The following OSMR variants were observed in gnomAD, a reference collection of about 807,000 sequenced individuals.
The protein encoded by OSMR is oncostatin M receptor.
A neutral mutation model predicts 99.9 loss-of-function variants in OSMR; 81 were observed. That is an observed-to-expected ratio of 0.81 (90% confidence interval 0.68 to 0.97). The LOEUF (loss-of-function observed/expected upper bound fraction) is 0.97, where lower values mean the gene tolerates loss of function less well. Ranked by LOEUF, OSMR falls within the 50% of genes least tolerant of loss-of-function variation. The probability of loss-of-function intolerance (pLI) is 0.00; values close to 1 mark genes in which losing one functional copy is unlikely to be tolerated. For missense variants in OSMR, 1,099 were observed against 1,153.4 expected, an observed-to-expected ratio of 0.95 and a Z score of 0.68; for synonymous variants, 406 against 410.4, an observed-to-expected ratio of 0.99 and a Z score of 0.13.
chr5:38,878,856 G>C (rs1222105059), intron 3 of OSMR, among the ~76,000 whole-genome samples: 2 of 152,202 alleles, frequency 1.3e-5, no homozygotes, highest in Admixed American at 6.5e-5. Context: ...GGTTAAACAG[G>C]TTCCACACAT....
At chr5:38,937,516 T>C (rs1169556384), downstream of OSMR, among the ~76,000 whole-genome samples, 1 of 152,216 alleles carries the variant, frequency 6.6e-6, no homozygotes, top group Non-Finnish European at 1.5e-5. This position sits in a 1 kb window ranked among gnomAD's most constrained non-coding sequence, Gnocchi z 4.0. Flanking sequence ...TTTCTGTGTA[T>C]GTTACTCTCT....
chr5:38,923,596 T>C (rs10073213), intron 13 of OSMR, among the ~76,000 whole-genome samples: 32,496 of 152,006 alleles, frequency 0.21, 3,596 homozygotes, highest in Admixed American at 0.26. Context: ...CTTTTAAAAT[T>C]TTTTTTTCAT....
intron 7 of OSMR, among the ~76,000 whole-genome samples, chr5:38,898,493 G>A (rs950278918): frequency 2.0e-5 from 3 of 152,054 alleles, no homozygotes; most frequent in Non-Finnish European, 4.4e-5. Context: ...TGCCTTTATA[G>A]GCTAAGTGCA....
intron 5 of OSMR, 55 bp downstream of exon 5, chr5:38,884,166 A>G (rs1019039419): frequency 9.5e-6 from 12 of 1,267,694 alleles, no homozygotes; most frequent in Non-Finnish European, 1.4e-5. Flanking sequence ...GGAATAGATT[A>G]AATCTCCTTT....
chr5:38,924,988 GTT>G (rs1427933416), intron 14 of OSMR: 18 of 599,610 alleles, frequency 3.0e-5, no homozygotes, highest in Non-Finnish European at 3.8e-5. Context: ...AGTACCCCTT[GTT>G]CAGTGGATTT....
chr5:38,914,127 A>T (rs1745765239), intron 9 of OSMR, among the ~76,000 whole-genome samples: 1 of 152,218 alleles, frequency 6.6e-6, no homozygotes, highest in Non-Finnish European at 1.5e-5. Context: ...GGGCTTTAAT[A>T]ACACAGTACC....
In OSMR at chr5:38,906,368, C is replaced by T. The variant is rs141316918; in HGVS notation, c.1285+1865C>T. ...AGGAATTTTTTATTACTTCTGATCACGCTTTGCTTAATGCTGGAAAACTCA... is the reference window on the plus strand; with the variant it reads ...AGGAATTTTTTATTACTTCTGATCATGCTTTGCTTAATGCTGGAAAACTCA... On this transcript the variant is annotated intron_variant, in intron 9 of 17. Transcript: ENST00000274276. Among the ~76,000 whole-genome samples the T allele has an allele frequency of 1.2e-4, 18 of 152,148 alleles. No homozygotes were observed. The East Asian group carries it at 1.7e-3, about 15-fold the overall frequency.
At chr5:38,874,987 G>C (rs1742696761) in intron 2 of OSMR, among the ~76,000 whole-genome samples, 1 of 152,108 alleles carries the variant, frequency 6.6e-6, no homozygotes, top group Admixed American at 6.5e-5. Context: ...GGCAATTTGG[G>C]GACATTTTTT....
In OSMR at chr5:38,869,088, T is replaced by C; in HGVS notation, c.44T>C (p.Leu15Ser). 6.2e-7 allele frequency: 1 copy of C among 1,613,426 alleles called. No homozygotes were observed. The highest frequency in any genetic ancestry group is 1.7e-5 in the Admixed American group (1 of 60,036). ...AVFQTTFFLTLLSLRTYQSEV... is the reference protein window; with the variant it reads ...AVFQTTFFLTSLSLRTYQSEV... ...TTTCAGACAACATTCTTCTTAACAT[T>C]GCTGTCCTTGAGGACTTACCAGAGT... The change falls in exon 2 of 18, where the codon TTG (leucine) becomes TCG (serine). Residue 15 changes from leucine (L) to serine (S), a missense_variant. Leu to Ser is a moderately radical substitution (Grantham distance 145). Transcript: ENST00000274276.
rs5867438 is a variant in OSMR at position 38,943,158 on chromosome 5, G to GTT, written c.75-1035_75-1034dup. On this transcript the variant is annotated intron_variant and NMD_transcript_variant, in intron 1 of 2. Transcript: ENST00000508882. ...ACACACTTAGACATTCTGAGTTTGG[G>GTT]TTTTTTTTTAAAAAAAATGATTATC... 3,048 of 379,312 alleles carry GTT rather than the reference G, an allele frequency of 8.0e-3. 2 individuals are homozygous for GTT. Among genetic ancestry groups the GTT allele is most frequent in the East Asian group, 0.017 (430 of 25,084 alleles). The allele number at this position is 379,312 out of a possible 1,614,324, so 23.5% of individuals were successfully genotyped here.
intron 4 of OSMR, 38 bp from the exon 5 acceptor site, chr5:38,883,789 G>C (rs924720450): frequency 6.2e-7 from 1 of 1,611,624 alleles, no homozygotes; most frequent in African/African-American, 1.3e-5. Context: ...CTTGAATTTT[G>C]AGTGCGATTC....
chr5:38,875,730 T>C (rs1369922698), intron 2 of OSMR, among the ~76,000 whole-genome samples: 3 of 152,208 alleles, frequency 2.0e-5, no homozygotes, highest in African/African-American at 4.8e-5. Flanking sequence ...TTAAGTTAAA[T>C]ACATTGAGAC....
intron 5 of OSMR, among the ~76,000 whole-genome samples, chr5:38,884,619 T>G (rs560808926): frequency 6.6e-6 from 1 of 152,192 alleles, no homozygotes; most frequent in Non-Finnish European, 1.5e-5. Context: ...TGAATGTGGG[T>G]AGTGCCTAGC....
chr5:38,931,805 A>T (rs1055703432), intron 15 of OSMR, 78 bp from the exon 16 acceptor site: 47 of 1,574,154 alleles, frequency 3.0e-5, no homozygotes, highest in Non-Finnish European at 4.1e-5. Context: ...AATTACTTTC[A>T]ATCATAAACT....
chr5:38,851,179 G>A (rs530340976), intron 1 of OSMR, among the ~76,000 whole-genome samples: 2 of 152,260 alleles, frequency 1.3e-5, no homozygotes, highest in Non-Finnish European at 2.9e-5. Flanking sequence ...ACAAGACTGA[G>A]CTTAATATGT....
downstream of OSMR, chr5:38,940,639 C>A (rs1747461050): frequency 4.3e-6 from 1 of 232,800 alleles, no homozygotes; most frequent in African/African-American, 2.2e-5. Context: ...CAGCCCTTAT[C>A]TGCTTTGTTA....
At chr5:38,942,362 T>C (rs201948705) in intron 1 of OSMR, 11 of 1,593,222 alleles carry the variant, frequency 6.9e-6, no homozygotes, top group Admixed American at 1.7e-5. Flanking sequence ...CAACACAGCC[T>C]CTGCTTCTTC....
chr5:38,847,874 TGGGTGTTTCTTCCGCA>T lies in OSMR; in HGVS notation c.-14+1491_-14+1506del, dbSNP rs370813954. 4.5e-3 allele frequency among the ~76,000 whole-genome samples: 691 copies of T among 152,292 alleles called. 2 individuals carry two copies. The highest frequency in any genetic ancestry group is 0.016 in the African/African-American group (669 of 41,568). On this transcript the variant is annotated intron_variant, in intron 1 of 17. Coordinates refer to ENST00000274276, the MANE Select transcript of OSMR (RefSeq NM_003999.3). The stretch of plus-strand genomic sequence containing the variant: ...GGCTTTGAGAGAAAAAGGCTGGTCT[TGGGTGTTTCTTCCGCA>T]GGGACCCGAGCCGCATTGGGGAGAA...
intron 10 of OSMR, chr5:38,918,626 T>A: frequency 2.0e-6 from 1 of 504,942 alleles, no homozygotes; most frequent in Non-Finnish European, 2.6e-6. Context: ...GAGGCTCTTA[T>A]CTCCAAATGA....
Sources: gnomAD v4.1 joint callset for allele counts (sites outside exome capture counted in the v4.1 genomes callset) on GRCh38, gnomAD v4.1.1 for gene constraint, Gnocchi (gnomAD v3.1) non-coding constraint, MANE v1.5 for transcripts, NCBI Gene and HGNC (gene_info 2026-07-23, HGNC 2026-07-21) for gene names.